DOK6: variants seen among roughly 807,000 people sequenced by gnomAD.
DOK6 encodes docking protein 6.
In DOK6, 22 loss-of-function variants were observed where a neutral mutation model predicts 44.0. That is an observed-to-expected ratio of 0.50 (90% CI 0.36 to 0.71). The LOEUF (loss-of-function observed/expected upper bound fraction) is 0.71, where lower values mean the gene tolerates loss of function less well. DOK6 is among the 30% of genes least tolerant of loss of function. The probability of loss-of-function intolerance (pLI) is 0.00; values close to 1 mark genes in which losing one functional copy is unlikely to be tolerated. For synonymous variants in DOK6, 166 were observed against 145.5 expected, an observed-to-expected ratio of 1.14 and a Z score of -1.01; for missense variants, 340 against 416.4, an observed-to-expected ratio of 0.82 and a Z score of 1.60.
At chr18:69,481,271 T>C (rs1282980952) in intron 1 of DOK6, among the ~76,000 whole-genome samples, 4 of 152,186 alleles carry the variant, frequency 2.6e-5, no homozygotes, top group East Asian at 1.9e-4. Flanking sequence ...CTGTGCATGA[T>C]GTGCAGGTTT....
At chr18:69,736,381 T>C in intron 5 of DOK6, among the ~76,000 whole-genome samples, 1 of 152,302 alleles carries the variant, frequency 6.6e-6, no homozygotes, top group Admixed American at 6.5e-5. Flanking sequence ...CTTAGAATTT[T>C]TATGAGGCCC....
rs1481785551 is a variant in DOK6 at position 69,435,093 on chromosome 18, AAG to A, written c.66+33785_66+33786del. ...AAGGAAGGAAGGAAGGAAGGAAGGA[AAG>A]AAGGAAGAAAGAAAGATTAGTGTAG... On this transcript the variant is annotated intron_variant, in intron 1 of 7. Coordinates refer to ENST00000382713, the MANE Select transcript of DOK6 (RefSeq NM_152721.6). Among the ~76,000 whole-genome samples the A allele has an allele frequency of 9.1e-4, 136 of 150,144 alleles. 1 individual carries two copies. Among genetic ancestry groups the A allele is most frequent in the South Asian group, 2.8e-3 (13 of 4,716 alleles).
At chr18:69,684,207 C>T (rs1225008865) in intron 4 of DOK6, among the ~76,000 whole-genome samples, 1 of 152,180 alleles carries the variant, frequency 6.6e-6, no homozygotes, top group African/African-American at 2.4e-5. Flanking sequence ...CCACTTTTCT[C>T]ACTTGGTCTT....
chr18:69,669,660 C>T (rs550712522), intron 3 of DOK6, among the ~76,000 whole-genome samples: 1 of 152,204 alleles, frequency 6.6e-6, no homozygotes, highest in East Asian at 1.9e-4. Context: ...TCCCTCGGAC[C>T]CCTTCCCGCA....
At chr18:69,488,104 G>T (rs1481206521) in intron 1 of DOK6, among the ~76,000 whole-genome samples, 1 of 152,108 alleles carries the variant, frequency 6.6e-6, no homozygotes, top group Non-Finnish European at 1.5e-5. Flanking sequence ...CCCTTGGCTT[G>T]TACATGACCA....
intron 1 of DOK6, among the ~76,000 whole-genome samples, chr18:69,545,108 A>G (rs1982368845): frequency 1.4e-5 from 1 of 71,410 alleles, no homozygotes; most frequent in Non-Finnish European, 3.1e-5. Context: ...TGACAGAGCG[A>G]GACACCATAA....
chr18:69,710,621 A>G (rs558850156), intron 5 of DOK6, among the ~76,000 whole-genome samples: 1 of 152,366 alleles, frequency 6.6e-6, no homozygotes, highest in East Asian at 1.9e-4. Flanking sequence ...GATTACAAAA[A>G]GCAAAATTAG....
intron 7 of DOK6, among the ~76,000 whole-genome samples, chr18:69,837,034 T>A (rs1000083227): frequency 6.6e-6 from 1 of 152,224 alleles, no homozygotes; most frequent in Non-Finnish European, 1.5e-5. Flanking sequence ...AGAAAAATCA[T>A]AATTTAATTT....
intron 1 of DOK6, among the ~76,000 whole-genome samples, chr18:69,409,747 T>C (rs778660347): frequency 2.0e-5 from 3 of 152,248 alleles, no homozygotes; most frequent in Non-Finnish European, 4.4e-5. Context: ...TTTAACACCA[T>C]GGCAACCAGT....
intron 1 of DOK6, among the ~76,000 whole-genome samples, chr18:69,518,821 G>A (rs4491635): frequency 0.42 from 63,495 of 151,908 alleles, 13,979 homozygotes; most frequent in Non-Finnish European, 0.49. Flanking sequence ...TTGACCTGGT[G>A]TAGTGTCTTT....
chr18:69,527,234 T>C (rs568675759), intron 1 of DOK6, among the ~76,000 whole-genome samples: 1 of 152,336 alleles, frequency 6.6e-6, no homozygotes, highest in East Asian at 1.9e-4. Context: ...GTTTCATTTA[T>C]TTGTAATGTG....
At chr18:69,512,420 T>G (rs1284903008) in intron 1 of DOK6, among the ~76,000 whole-genome samples, 1 of 145,804 alleles carries the variant, frequency 6.9e-6, no homozygotes, top group South Asian at 2.3e-4. Flanking sequence ...CTTGGCTCAC[T>G]GCAGCCTCCC....
chr18:69,771,379 C>T (rs1979881915), intron 7 of DOK6, among the ~76,000 whole-genome samples: 1 of 151,988 alleles, frequency 6.6e-6, no homozygotes, highest in African/African-American at 2.4e-5. Flanking sequence ...GCATAATATT[C>T]TACTGCAAAC....
At chr18:69,405,639 G>A (rs1916192540) in intron 1 of DOK6, among the ~76,000 whole-genome samples, 2 of 150,478 alleles carry the variant, frequency 1.3e-5, no homozygotes, top group African/African-American at 5.0e-5. Context: ...ATAGAAATGT[G>A]CATATGTGCA....
intron 2 of DOK6, 47 bp from the exon 3 acceptor site, chr18:69,599,337 A>G: frequency 7.5e-7 from 1 of 1,341,226 alleles, no homozygotes; most frequent in Non-Finnish European, 1.0e-6. Context: ...ACTCCAACAT[A>G]CAGCATACAT....
chr18:69,635,146 C>T (rs548510774), intron 3 of DOK6, among the ~76,000 whole-genome samples: 3 of 152,122 alleles, frequency 2.0e-5, no homozygotes, highest in Non-Finnish European at 2.9e-5. Flanking sequence ...CTGTTGACAC[C>T]GGGGCTTAGA....
At chr18:69,749,908 C>T (rs538670714) in intron 6 of DOK6, among the ~76,000 whole-genome samples, 2 of 149,142 alleles carry the variant, frequency 1.3e-5, no homozygotes, top group South Asian at 4.3e-4. Flanking sequence ...TGCGCCACTG[C>T]ACTCCTGCCT....
chr18:69,472,369 C>T (rs982442970), intron 1 of DOK6, among the ~76,000 whole-genome samples: 1 of 152,188 alleles, frequency 6.6e-6, no homozygotes, highest in African/African-American at 2.4e-5. Context: ...AGAATACCCC[C>T]AGGGACCTGC....
At chr18:69,597,326 A>C (rs1297806307) in intron 2 of DOK6, among the ~76,000 whole-genome samples, 1 of 152,214 alleles carries the variant, frequency 6.6e-6, no homozygotes, top group African/African-American at 2.4e-5. Flanking sequence ...AAGCCTCTGC[A>C]AACATTCAGT....
Sources: gnomAD v4.1 joint callset for allele counts (sites outside exome capture counted in the v4.1 genomes callset) on GRCh38, gnomAD v4.1.1 for gene constraint, MANE v1.5 for transcripts, NCBI Gene and HGNC (gene_info 2026-07-23, HGNC 2026-07-21) for gene names.